The following NRG1 variants were observed in gnomAD, a reference collection of about 807,000 sequenced individuals.
The protein encoded by NRG1 is neuregulin 1.
In NRG1, 18 loss-of-function variants were observed where a neutral mutation model predicts 63.8. The ratio of observed to expected loss-of-function variants is 0.28; its 90% CI spans 0.19 to 0.42. The LOEUF is 0.42. Among genes scored for constraint, NRG1 ranks in the 10% least tolerant of loss-of-function variants. The probability of loss-of-function intolerance (pLI) is 1.00; values close to 1 mark genes in which losing one functional copy is unlikely to be tolerated. For missense variants in NRG1, 762 were observed against 814.7 expected (o/e 0.94, Z 0.79); for synonymous variants, 302 against 301.3 (o/e 1.00, Z -0.02).
chr8:31,677,694 T>C (rs1807870540), intron 1 of NRG1, among the ~76,000 whole-genome samples: 1 of 152,204 alleles, frequency 6.6e-6, no homozygotes, highest in Admixed American at 6.5e-5. Flanking sequence ...CAGCCAGTCC[T>C]TGGGCTATTT....
At chr8:32,426,789 C>T (rs1252439647) in intron 1 of NRG1, among the ~76,000 whole-genome samples, 2 of 152,186 alleles carry the variant, frequency 1.3e-5, no homozygotes, top group African/African-American at 4.8e-5. Flanking sequence ...AGTGACATTG[C>T]TATGCTCTGA....
intron 1 of NRG1, among the ~76,000 whole-genome samples, chr8:32,298,727 A>AAG (rs200318054): frequency 0.013 from 1,645 of 124,226 alleles, 21 homozygotes; most frequent in Non-Finnish European, 0.02. Context: ...AAAAAAAAAA[A>AAG]AAAGAAAAGA....
At chr8:32,688,952 C>T (rs1394641103) in intron 5 of NRG1, among the ~76,000 whole-genome samples, 1 of 152,062 alleles carries the variant, frequency 6.6e-6, no homozygotes, top group Non-Finnish European at 1.5e-5. Context: ...GGTTGGCCTC[C>T]TAGGGTCGTC....
chr8:32,152,031 G>T (rs958232159), intron 1 of NRG1, among the ~76,000 whole-genome samples: 1 of 152,210 alleles, frequency 6.6e-6, no homozygotes, highest in African/African-American at 2.4e-5. Flanking sequence ...CTAGTTGTTT[G>T]TATTTTAGCT....
intron 1 of NRG1, among the ~76,000 whole-genome samples, chr8:31,923,890 G>T (rs1834118493): frequency 6.6e-6 from 1 of 150,734 alleles, no homozygotes; most frequent in South Asian, 2.1e-4. Flanking sequence ...AGTCTCCATT[G>T]TCCACACATT....
intron 1 of NRG1, among the ~76,000 whole-genome samples, chr8:32,398,472 G>A (rs553240667): frequency 1.1e-4 from 16 of 150,606 alleles, no homozygotes; most frequent in Non-Finnish European, 2.4e-4. Context: ...GTGCAATGGT[G>A]CAATCTTGGC....
chr8:31,959,922 A>T (rs1805166970), intron 1 of NRG1, among the ~76,000 whole-genome samples: 1 of 151,478 alleles, frequency 6.6e-6, no homozygotes, highest in Admixed American at 6.6e-5. Context: ...GCCTCCCAAA[A>T]TGCTGAGGCC....
chr8:31,639,693 C>T (rs915144814), intron 1 of NRG1: 2 of 1,400,526 alleles, frequency 1.4e-6, no homozygotes, highest in African/African-American at 1.5e-5. Flanking sequence ...GTGGGGGGAC[C>T]TGTCACTCCC....
chr8:31,954,437 T>C (rs1415455675), intron 1 of NRG1, among the ~76,000 whole-genome samples: 1 of 152,194 alleles, frequency 6.6e-6, no homozygotes, highest in Non-Finnish European at 1.5e-5. Context: ...ACTTTTTTTA[T>C]TGTTAGAAGA....
chr8:32,748,853 T>C (rs1828092738), intron 7 of NRG1: 1 of 324,442 alleles, frequency 3.1e-6, no homozygotes, highest in Admixed American at 4.2e-5. Context: ...CTAGAAGGAG[T>C]CTCCAGTGTC....
chr8:32,199,314 CT>C (rs1843263582), intron 1 of NRG1, among the ~76,000 whole-genome samples: 1 of 152,150 alleles, frequency 6.6e-6, no homozygotes, highest in African/African-American at 2.4e-5. Context: ...TAGATACTTT[CT>C]GCTTTCATTC....
intron 1 of NRG1, among the ~76,000 whole-genome samples, chr8:32,259,809 A>G (rs1850159792): frequency 6.6e-6 from 1 of 152,162 alleles, no homozygotes; most frequent in African/African-American, 2.4e-5. Flanking sequence ...ACATAATCAC[A>G]TTCCAAATTA....
intron 1 of NRG1, among the ~76,000 whole-genome samples, chr8:32,459,791 T>C (rs1822087029): frequency 6.6e-6 from 1 of 152,218 alleles, no homozygotes; most frequent in Non-Finnish European, 1.5e-5. Context: ...CAGTTATTGC[T>C]GTTCCTCCGA....
chr8:32,169,956 T>C (rs1353453834), intron 1 of NRG1, among the ~76,000 whole-genome samples: 1 of 152,146 alleles, frequency 6.6e-6, no homozygotes, highest in Non-Finnish European at 1.5e-5. Flanking sequence ...ACTGGTGTTC[T>C]TATTGAAAGA....
chr8:32,573,976 A>G (rs1181263092), intron 1 of NRG1, among the ~76,000 whole-genome samples: 3 of 152,180 alleles, frequency 2.0e-5, no homozygotes, highest in Non-Finnish European at 4.4e-5. Context: ...TACAAAGGAC[A>G]TGAACTCATC....
intron 1 of NRG1, among the ~76,000 whole-genome samples, chr8:32,378,917 G>A (rs1023537661): frequency 1.3e-5 from 2 of 151,916 alleles, no homozygotes; most frequent in African/African-American, 4.8e-5. Flanking sequence ...ATGGTTTCCA[G>A]TTTCATCCAT....
At chr8:32,569,067 T>C (rs558060087) in intron 1 of NRG1, among the ~76,000 whole-genome samples, 4 of 152,174 alleles carry the variant, frequency 2.6e-5, no homozygotes, top group Non-Finnish European at 4.4e-5. Flanking sequence ...TTTTGTTTTT[T>C]GAGACAGCAT....
chr8:32,658,347 TG>T (rs1371592988), intron 5 of NRG1, among the ~76,000 whole-genome samples: 2 of 152,238 alleles, frequency 1.3e-5, no homozygotes, highest in Non-Finnish European at 2.9e-5. Flanking sequence ...TAGTGACTAC[TG>T]TCATTTTAAA....
intron 1 of NRG1, among the ~76,000 whole-genome samples, chr8:31,669,684 A>G (rs1426610410): frequency 6.6e-6 from 1 of 152,228 alleles, no homozygotes; most frequent in Non-Finnish European, 1.5e-5. Flanking sequence ...CTGAATTTAT[A>G]TGCTACTGAT....
Sources: gnomAD v4.1 joint callset for allele counts (sites outside exome capture counted in the v4.1 genomes callset) on GRCh38, gnomAD v4.1.1 for gene constraint, MANE v1.5 for transcripts, NCBI Gene and HGNC (gene_info 2026-07-23, HGNC 2026-07-21) for gene names.